Variants in ADGRV1 observed in about 807,000 individuals in gnomAD.
The protein encoded by ADGRV1 is G-protein coupled receptor 98.
In ADGRV1, 359 loss-of-function variants were observed where a neutral mutation model predicts 596.2. The observed-to-expected ratio is 0.60, with a 90% CI of 0.55 to 0.66. ADGRV1 has a LOEUF of 0.66. Ranked by LOEUF, ADGRV1 falls within the 30% of genes least tolerant of loss-of-function variation. The pLI, the probability that ADGRV1 is intolerant of heterozygous loss-of-function variation, is 0.00. For synonymous variants in ADGRV1, 2,681 were observed against 2,679.2 expected, an observed-to-expected ratio of 1.00 and a Z score of -0.02; for missense variants, 7,274 against 7,575.6, an observed-to-expected ratio of 0.96 and a Z score of 1.48.
intron 4 of ADGRV1, among the ~76,000 whole-genome samples, chr5:90,621,223 A>C (rs1282707482): frequency 6.6e-6 from 1 of 152,194 alleles, no homozygotes; most frequent in Non-Finnish European, 1.5e-5. Context: ...AACACGTTGC[A>C]ATACTTCCCA....
intron 85 of ADGRV1, among the ~76,000 whole-genome samples, chr5:91,011,757 GAAA>G (rs79702880): frequency 6.6e-6 from 1 of 150,698 alleles, no homozygotes; most frequent in South Asian, 2.1e-4. Flanking sequence ...GGCCAGGGGG[GAAA>G]AAAAAAAGCA....
intron 86 of ADGRV1, among the ~76,000 whole-genome samples, chr5:91,081,565 T>TCTC (rs1311063149): frequency 1.8e-4 from 27 of 152,064 alleles, no homozygotes; most frequent in Middle Eastern, 3.4e-3. Context: ...AGGTGAATCA[T>TCTC]CTGAGGTCAG....
rs546224817 is a variant in ADGRV1, at chr5:90,653,552, T to A, written c.3978T>A (p.Asp1326Glu). Residue 1326 changes from aspartate to glutamate, a missense_variant, in exon 20 of 90, where the codon GAT becomes GAA. By Grantham distance (45) the Asp-to-Glu change is conservative. Coordinates refer to ENST00000405460, the MANE Select transcript of ADGRV1 (RefSeq NM_032119.4). ...TGCGGCGTCACCACAGTGGAACGGATGCTTTGTACTTTACCGGACTAGAGG... is the reference window on the plus strand; with the variant it reads ...TGCGGCGTCACCACAGTGGAACGGAAGCTTTGTACTTTACCGGACTAGAGG... Reference protein sequence around the residue: ...QHMRRHHSGTDALYFTGLEGA... With the variant: ...QHMRRHHSGTEALYFTGLEGA... 1.4e-4 allele frequency: 222 copies of A among 1,613,962 alleles called. 3 individuals carry two copies. The South Asian group carries it at 2.3e-3, about 17-fold the overall frequency.
chr5:90,635,399 G>A (rs1766049149), intron 10 of ADGRV1, 109 bp downstream of exon 10: 6 of 960,644 alleles, frequency 6.2e-6, no homozygotes. Context: ...AAAAGCTTCA[G>A]CATGTACAAG....
intron 83 of ADGRV1, among the ~76,000 whole-genome samples, chr5:90,878,449 G>A (rs529428871): frequency 1.2e-3 from 178 of 152,272 alleles, no homozygotes; most frequent in Non-Finnish European, 2.2e-4. Context: ...CATGGAATTC[G>A]AAGGCTAACG....
intron 1 of ADGRV1, among the ~76,000 whole-genome samples, chr5:90,584,541 G>C (rs527872244): frequency 1.3e-5 from 2 of 152,282 alleles, no homozygotes; most frequent in East Asian, 3.9e-4. Flanking sequence ...CTGTATACAG[G>C]GTTCTTGGGG....
intron 85 of ADGRV1, among the ~76,000 whole-genome samples, chr5:91,016,881 G>C (rs1482621755): frequency 6.6e-6 from 1 of 151,804 alleles, no homozygotes; most frequent in East Asian, 1.9e-4. Context: ...AGAAAGTACA[G>C]GGATGAAAAG....
At chr5:90,947,399 T>G (rs1247701406) in intron 83 of ADGRV1, among the ~76,000 whole-genome samples, 1 of 152,102 alleles carries the variant, frequency 6.6e-6, no homozygotes, top group Non-Finnish European at 1.5e-5. Context: ...GTCAGACAGA[T>G]AGATTGCAAA....
chr5:90,791,165 T>G lies in ADGRV1; in HGVS notation c.14336T>G (p.Leu4779Arg), dbSNP rs1447225055. 1 of 1,613,982 alleles carries G rather than the reference T, an allele frequency of 6.2e-7. No individual in the cohort carries two copies. The highest frequency in any genetic ancestry group is 1.1e-5 in the South Asian group (1 of 91,080). The part of the protein sequence containing the change: ...DRQSILIGQN[L>R]IRSIQINITR... Reference sequence around the variant, plus strand: ...CAGTCAATACTTATTGGGCAGAACCTTATTAGATCCATCCAAATTAACATA... The same window carrying G: ...CAGTCAATACTTATTGGGCAGAACCGTATTAGATCCATCCAAATTAACATA... Residue 4779 changes from leucine (L) to arginine (R), a missense_variant, in exon 70 of 90, where the codon CTT becomes CGT. Transcript: ENST00000405460.
chr5:90,569,167 C>G (rs1021047536), intron 1 of ADGRV1, among the ~76,000 whole-genome samples: 4 of 151,604 alleles, frequency 2.6e-5, no homozygotes, highest in African/African-American at 9.7e-5. Context: ...TAACCCACCC[C>G]CCTAATAGCA....
chr5:90,903,364 C>T lies in ADGRV1; in HGVS notation c.17856+39507C>T, dbSNP rs1478998737. On this transcript the variant is annotated intron_variant, in intron 83 of 89. Coordinates refer to ENST00000405460, the MANE Select transcript of ADGRV1 (RefSeq NM_032119.4). ...TCTGATGTTTGTTTTATAATATCCA[C>T]CAAAGTTTATTTTTTAAAAATATTA... is the stretch of plus-strand genomic sequence containing the variant. Among the ~76,000 whole-genome samples the T allele has an allele frequency of 2.0e-5, 3 of 151,898 alleles. No individual in the cohort carries two copies. The East Asian group carries it at 5.8e-4, about 29-fold the overall frequency.
chr5:90,779,243 C>A, intron 64 of ADGRV1, 146 bp downstream of exon 64: 1 of 462,918 alleles, frequency 2.2e-6, no homozygotes. Context: ...ACAGGACATA[C>A]AAGGGAAATT....
intron 84 of ADGRV1, among the ~76,000 whole-genome samples, chr5:90,974,709 T>G (rs1323669907): frequency 3.9e-5 from 6 of 152,164 alleles, no homozygotes; most frequent in Admixed American, 2.6e-4. Flanking sequence ...TCAAGATGGA[T>G]TAAAGACTTA....
intron 88 of ADGRV1, among the ~76,000 whole-genome samples, chr5:91,151,823 A>G (rs548185457): frequency 7.5e-4 from 114 of 152,358 alleles, no homozygotes; most frequent in Non-Finnish European, 1.0e-3. Flanking sequence ...ACACATTTGT[A>G]TCAGTGCAGA....
intron 89 of ADGRV1, among the ~76,000 whole-genome samples, chr5:91,155,542 A>G (rs923683324): frequency 6.6e-5 from 10 of 152,312 alleles, no homozygotes; most frequent in Non-Finnish European, 7.4e-5. Flanking sequence ...GACCCAGTAT[A>G]TTTGGGCAAT....
Position 90,683,643 on chromosome 5 carries a change from G to A in ADGRV1, c.5722G>A (p.Asp1908Asn), listed in dbSNP as rs757418364. Residue 1908 changes from aspartate to asparagine, a missense_variant, in exon 28 of 90, where the codon GAT becomes AAT. Transcript: ENST00000405460. ...GACTTTGCATTGGAACATAGACTCTGATCCTGATGGTGATCTCGCCTTCAC... is the reference window on the plus strand; with the variant it reads ...GACTTTGCATTGGAACATAGACTCTAATCCTGATGGTGATCTCGCCTTCAC... ...PVTLHWNIDS[D>N]PDGDLAFTSG... 6.4e-5 allele frequency: 103 copies of A among 1,612,808 alleles called. No individual in the cohort carries two copies. Among genetic ancestry groups the A allele is most frequent in the Non-Finnish European group, 8.7e-5 (103 of 1,179,108 alleles).
At chr5:90,681,278 A>ATTTTTTTTTT in intron 26 of ADGRV1, 37 bp from the exon 27 acceptor site, 2 of 1,453,192 alleles carry the variant, frequency 1.4e-6, no homozygotes, top group Non-Finnish European at 1.9e-6. Flanking sequence ...ACTGATCATC[A>ATTTTTTTTTT]TTTTTTTTTT....
At chr5:90,638,379 C>CT (rs1766520711) in intron 11 of ADGRV1, among the ~76,000 whole-genome samples, 8 of 151,890 alleles carry the variant, frequency 5.3e-5, no homozygotes, top group Admixed American at 5.3e-4. Context: ...ATAAAATTCT[C>CT]TTTTTTACAT....
At chr5:90,898,603 AGTATTTTCAACATGCTTG>A (rs905097198) in intron 83 of ADGRV1, among the ~76,000 whole-genome samples, 1 of 152,152 alleles carries the variant, frequency 6.6e-6, no homozygotes, top group Non-Finnish European at 1.5e-5. Context: ...AATATAGGTT[AGTATTTTCAACATGCTTG>A]ATTTTCAAGC....
Sources: allele counts gnomAD v4.1 joint callset (sites outside exome capture counted in the v4.1 genomes callset), GRCh38; gene constraint gnomAD v4.1.1; transcripts MANE v1.5; gene names NCBI Gene and HGNC (gene_info 2026-07-23, HGNC 2026-07-21).